The following ALS2 variants were observed in gnomAD, a reference collection of about 807,000 sequenced individuals.
The protein encoded by ALS2 is alsin Rho guanine nucleotide exchange factor ALS2.
A neutral mutation model predicts 203.4 loss-of-function variants in ALS2; 117 were observed. The ratio of observed to expected loss-of-function variants is 0.58; its 90% CI spans 0.50 to 0.67. ALS2 has a LOEUF of 0.67. Among genes scored for constraint, ALS2 ranks in the 30% least tolerant of loss-of-function variants. ALS2 has a pLI of 0.00. For missense variants in ALS2, 1,715 were observed against 1,989.4 expected, an observed-to-expected ratio of 0.86 and a Z score of 2.62; for synonymous variants, 718 against 725.9, an observed-to-expected ratio of 0.99 and a Z score of 0.17.
chr2:201,708,362 G>A (rs1689853337), intron 27 of ALS2, among the ~76,000 whole-genome samples: 1 of 152,024 alleles, frequency 6.6e-6, no homozygotes. Context: ...AACATTAAGG[G>A]AAAAAATGAT....
chr2:201,722,691 C>A, intron 23 of ALS2: 2 of 220,598 alleles, frequency 9.1e-6, no homozygotes, highest in Non-Finnish European at 1.8e-5. Flanking sequence ...AAAACAAAAA[C>A]ATTATACTAA....
At chr2:201,708,290 T>C (rs1431065908) in intron 27 of ALS2, among the ~76,000 whole-genome samples, 1 of 152,204 alleles carries the variant, frequency 6.6e-6, no homozygotes, top group Non-Finnish European at 1.5e-5. Context: ...CAATTTATAT[T>C]AACTCTGAGC....
At chr2:201,741,458 A>G (rs990176380) in intron 11 of ALS2, 4 of 538,504 alleles carry the variant, frequency 7.4e-6, no homozygotes, top group Non-Finnish European at 1.3e-5. Context: ...TATAGAAGAA[A>G]ACATGATAAT....
intron 5 of ALS2, 57 bp from the exon 6 acceptor site, chr2:201,754,728 TATC>T (rs753785568): frequency 5.1e-6 from 8 of 1,582,230 alleles, no homozygotes; most frequent in East Asian, 2.2e-5. Context: ...TAAGAAAACA[TATC>T]ATTTGGACAA....
At chr2:201,763,658 CA>C in intron 3 of ALS2, 1 of 160,044 alleles carries the variant, frequency 6.2e-6, no homozygotes, top group Non-Finnish European at 1.4e-5. Flanking sequence ...CAGAACAAAG[CA>C]AAAAAGCAAA....
At chr2:201,755,556 C>T (rs560577843) in intron 5 of ALS2, among the ~76,000 whole-genome samples, 1 of 152,150 alleles carries the variant, frequency 6.6e-6, no homozygotes. Flanking sequence ...AGCCACTGTG[C>T]CCGGCTCCCA....
intron 25 of ALS2, among the ~76,000 whole-genome samples, chr2:201,713,645 C>T (rs2105978020): frequency 6.6e-6 from 1 of 152,252 alleles, no homozygotes; most frequent in South Asian, 2.1e-4. Context: ...GTTTTCAACC[C>T]CAAAATTTTG....
At chr2:201,713,662 C>T (rs2105978045) in intron 25 of ALS2, among the ~76,000 whole-genome samples, 1 of 152,258 alleles carries the variant, frequency 6.6e-6, no homozygotes, top group South Asian at 2.1e-4. Flanking sequence ...TTTGATTTGG[C>T]TCTTCTTTAT....
chr2:201,706,720 A>T, intron 29 of ALS2, 126 bp downstream of exon 29: 6 of 934,672 alleles, frequency 6.4e-6, no homozygotes, highest in African/African-American at 1.7e-5. Flanking sequence ...TTTGTTAAAG[A>T]AGACATATGC....
chr2:201,721,584 G>A (rs1690796077), intron 23 of ALS2, among the ~76,000 whole-genome samples: 1 of 152,208 alleles, frequency 6.6e-6, no homozygotes, highest in Admixed American at 6.5e-5. Flanking sequence ...AAAAAGATTA[G>A]TTTGGACACA....
chr2:201,728,667 A>G (rs1163807505), intron 14 of ALS2, 27 bp from the exon 15 acceptor site: 3 of 1,606,288 alleles, frequency 1.9e-6, no homozygotes, highest in Non-Finnish European at 2.6e-6. Context: ...ATATAATACA[A>G]GTCAAACAAT....
chr2:201,707,027 A>G lies in ALS2; in HGVS notation c.4404-5T>C, dbSNP rs956198010. 12 of 1,611,520 alleles carry G rather than the reference A, an allele frequency of 7.4e-6. No individual in the cohort carries two copies. Among genetic ancestry groups the G allele is most frequent in the Non-Finnish European group, 9.3e-6 (11 of 1,178,498 alleles). The stretch of plus-strand genomic sequence containing the variant: ...CCAGAACTCGTTACTACATAACTAC[A>G]AAATAATGGAGTGGGAGAAAAGGAG... On this transcript the variant is annotated splice_region_variant and splice_polypyrimidine_tract_variant and intron_variant, in intron 28 of 33. Transcript: ENST00000264276.
chr2:201,753,307 A>C, intron 6 of ALS2, 65 bp from the exon 7 acceptor site: 3 of 1,347,650 alleles, frequency 2.2e-6, no homozygotes, highest in Non-Finnish European at 3.2e-6. Context: ...AGCCTTTCTC[A>C]AATTATAAAG....
chr2:201,705,486 A>G, intron 29 of ALS2, 25 bp from the exon 30 acceptor site: 1 of 1,587,670 alleles, frequency 6.3e-7, no homozygotes, highest in Non-Finnish European at 8.6e-7. Context: ...ATAAATTATT[A>G]ATATAAGTTG....
intron 33 of ALS2, among the ~76,000 whole-genome samples, chr2:201,702,194 T>C (rs1029975316): frequency 6.6e-6 from 1 of 151,666 alleles, no homozygotes; most frequent in Non-Finnish European, 1.5e-5. Flanking sequence ...CCATTACTGA[T>C]TGGACATTTA....
chr2:201,739,429 T>C (rs1186488017), intron 11 of ALS2, among the ~76,000 whole-genome samples: 1 of 152,054 alleles, frequency 6.6e-6, no homozygotes, highest in Non-Finnish European at 1.5e-5. Context: ...TAATCTTCAC[T>C]TCAGGTTTCC....
In ALS2 at chr2:201,705,130, A is replaced by G; in HGVS notation, c.4688+9T>C. The G allele has an allele frequency of 6.2e-7, 1 of 1,613,776 alleles. No individual in the cohort carries two copies. Among genetic ancestry groups the G allele is most frequent in the Non-Finnish European group, 8.5e-7 (1 of 1,179,668 alleles). ...GATTTGTATGGCTTTTCAACAAATC[A>G]GAGATTACCTGATCTGCTGCAGACA... On this transcript the variant is annotated intron_variant, in intron 31 of 33. Coordinates refer to ENST00000264276, the MANE Select transcript of ALS2 (RefSeq NM_020919.4).
In ALS2 at chr2:201,735,211, G is replaced by A. The variant is rs114935763; in HGVS notation, c.2418-1773C>T. ...GAGGTTACCAGAGCCAGGCAGGCAG[G>A]GGGAGACAGTATGGGGGGAGTTATT... On this transcript the variant is annotated intron_variant, in intron 12 of 33. Coordinates refer to ENST00000264276, the MANE Select transcript of ALS2 (RefSeq NM_020919.4). 7.6e-3 allele frequency among the ~76,000 whole-genome samples: 1,160 copies of A among 152,028 alleles called. 14 individuals carry two copies. The highest frequency in any genetic ancestry group is 0.027 in the African/African-American group (1,109 of 41,462).
At chr2:201,752,196 C>T (rs1693107360) in intron 7 of ALS2, among the ~76,000 whole-genome samples, 1 of 152,092 alleles carries the variant, frequency 6.6e-6, no homozygotes, top group Non-Finnish European at 1.5e-5. Context: ...TGACGCATCT[C>T]ATCCAAAAAT....
Sources: gnomAD v4.1 joint callset for allele counts (sites outside exome capture counted in the v4.1 genomes callset) on GRCh38, gnomAD v4.1.1 for gene constraint, MANE v1.5 for transcripts, NCBI Gene and HGNC (gene_info 2026-07-23, HGNC 2026-07-21) for gene names.